The following TRIM14 variants were observed in gnomAD, a reference collection of about 807,000 sequenced individuals.
TRIM14 encodes tripartite motif-containing protein 14.
A neutral mutation model predicts 44.5 loss-of-function variants in TRIM14; 28 were observed. The ratio of observed to expected loss-of-function variants is 0.63; its 90% CI spans 0.47 to 0.86. The LOEUF (loss-of-function observed/expected upper bound fraction) is 0.86, where lower values mean the gene tolerates loss of function less well. Ranked by LOEUF, TRIM14 falls within the 40% of genes least tolerant of loss-of-function variation. TRIM14 has a pLI of 0.00. For synonymous variants in TRIM14, 299 were observed against 269.2 expected (o/e 1.11, Z -1.08); for missense variants, 607 against 611.1 (o/e 0.99, Z 0.07).
the TRIM14 span, among the ~76,000 whole-genome samples, chr9:98,042,799 G>C: frequency 6.6e-6 from 1 of 151,548 alleles, no homozygotes; most frequent in Non-Finnish European, 1.5e-5. Flanking sequence ...GAACCTGGGA[G>C]ATGGAGGTTG....
chr9:98,064,508 G>A (rs761398281), downstream of TRIM14, among the ~76,000 whole-genome samples: 7 of 151,974 alleles, frequency 4.6e-5, no homozygotes, highest in Admixed American at 6.6e-5. Context: ...CGCCTGCCTC[G>A]GCCTCCCAAA....
rs980433804 is a variant in TRIM14, at chr9:98,088,574, T to C, written c.794-569A>G. On this transcript the variant is annotated intron_variant, in intron 5 of 5. Transcript: ENST00000341469. ...TCACACCATACATGACGTTAGGTAA[T>C]CTGCTTTTTAAAATTGATTGATCTA... Among the ~76,000 whole-genome samples, 27 of 152,222 alleles carry C rather than the reference T, an allele frequency of 1.8e-4. 1 individual carries two copies. The highest frequency in any genetic ancestry group is 6.3e-4 in the African/African-American group (26 of 41,464).
At chr9:98,056,704 C>T in the TRIM14 span, 24 of 1,459,964 alleles carry the variant, frequency 1.6e-5, no homozygotes, top group South Asian at 2.9e-4. Context: ...CGTGGCGGGG[C>T]TGGCGTGTGG....
intron 6 of TRIM14, chr9:98,077,018 G>T (rs779218846): frequency 6.2e-7 from 1 of 1,601,122 alleles, no homozygotes. Flanking sequence ...GCCAAAAAAG[G>T]TAAGTGTCTA....
At chr9:98,111,224 T>C (rs1206624847) in intron 1 of TRIM14, among the ~76,000 whole-genome samples, 2 of 151,988 alleles carry the variant, frequency 1.3e-5, no homozygotes, top group Non-Finnish European at 2.9e-5. Context: ...GGTGAATGGA[T>C]AGGAAAGTGG....
At chr9:98,069,951 C>G (rs1290151695) in intron 6 of TRIM14, among the ~76,000 whole-genome samples, 1 of 152,164 alleles carries the variant, frequency 6.6e-6, no homozygotes, top group African/African-American at 2.4e-5. Context: ...TTGTCAATGT[C>G]ATTCACCCAG....
At chr9:98,082,915 G>A (rs757798300), downstream of TRIM14, 20 of 1,614,050 alleles carry the variant, frequency 1.2e-5, no homozygotes, top group African/African-American at 1.2e-4. Flanking sequence ...CATGCTCACC[G>A]TGAAGGTGGG....
the TRIM14 span, chr9:98,060,998 G>A: frequency 3.1e-6 from 5 of 1,613,330 alleles, no homozygotes; most frequent in Non-Finnish European, 4.2e-6. Flanking sequence ...CATGGATGAG[G>A]TGAGTCCTCT....
At position 98,084,984 on chromosome 9, in the gene TRIM14, T is replaced by C. The variant is rs1045280718; in HGVS notation, c.*2486A>G. The C allele has an allele frequency of 1.3e-5, 2 of 152,210 alleles. No individual in the cohort carries two copies. The highest frequency in any genetic ancestry group is 2.4e-5 in the African/African-American group (1 of 41,432). The allele number at this position is 152,210 out of a possible 1,614,324, so 9.4% of individuals were successfully genotyped here. On this transcript the variant is annotated 3_prime_UTR_variant, in exon 6 of 6. Transcript: ENST00000341469. ...ACTAGCCCTGGTCACACAATTGATA[T>C]GGACTGAAACTGCCGCTTTCTGGCT... is the stretch of plus-strand genomic sequence containing the variant.
At chr9:98,045,154 G>T in the TRIM14 span, among the ~76,000 whole-genome samples, 1 of 151,982 alleles carries the variant, frequency 6.6e-6, no homozygotes, top group East Asian at 1.9e-4. Context: ...CTAGAAGTAG[G>T]ATCCTTAAAC....
intron 2 of TRIM14, among the ~76,000 whole-genome samples, chr9:98,109,195 G>A (rs1374379089): frequency 6.6e-6 from 1 of 151,868 alleles, no homozygotes; most frequent in East Asian, 1.9e-4. Context: ...GCCCCAGGAG[G>A]GCCTCCCACC....
chr9:98,109,707 C>T (rs921530145), intron 2 of TRIM14, among the ~76,000 whole-genome samples, 182 bp downstream of exon 2: 2 of 152,150 alleles, frequency 1.3e-5, no homozygotes, highest in Non-Finnish European at 2.9e-5. Context: ...GGTCTTGCAC[C>T]TAATTTTGTC....
downstream of TRIM14, chr9:98,083,142 T>C: frequency 7.7e-7 from 1 of 1,304,358 alleles, no homozygotes; most frequent in Admixed American, 2.0e-5. Flanking sequence ...AATGGCGGTC[T>C]CCAGGGACCT....
At chr9:98,053,289 A>G in the TRIM14 span, among the ~76,000 whole-genome samples, 1 of 152,226 alleles carries the variant, frequency 6.6e-6, no homozygotes, top group Non-Finnish European at 1.5e-5. Context: ...ATGAACCCCA[A>G]AATTCCTGTC....
chr9:98,047,016 C>T, the TRIM14 span, among the ~76,000 whole-genome samples: 8 of 152,136 alleles, frequency 5.3e-5, no homozygotes, highest in African/African-American at 1.9e-4. Flanking sequence ...AGTATCACTG[C>T]AATGGGTGGG....
At chr9:98,071,829 C>T (rs141467892) in intron 6 of TRIM14, among the ~76,000 whole-genome samples, 5 of 152,338 alleles carry the variant, frequency 3.3e-5, no homozygotes, top group South Asian at 4.1e-4. Flanking sequence ...CTTCCGTCCA[C>T]GTTTCCTGGA....
the TRIM14 span, among the ~76,000 whole-genome samples, chr9:98,062,597 C>T: frequency 6.6e-6 from 1 of 152,060 alleles, no homozygotes; most frequent in African/African-American, 2.4e-5. Flanking sequence ...GTTTTATTGC[C>T]TGCTGGTACT....
chr9:98,085,405 C>T lies in TRIM14; in HGVS notation c.*2065G>A, dbSNP rs987711232. 1 of 152,202 alleles carries T rather than the reference C, an allele frequency of 6.6e-6. No individual in the cohort carries two copies. Among genetic ancestry groups the T allele is most frequent in the Non-Finnish European group, 1.5e-5 (1 of 68,044 alleles). 9.4% of individuals were successfully genotyped at this position (152,202 alleles called of 1,614,324 possible). On this transcript the variant is annotated 3_prime_UTR_variant, in exon 6 of 6. Coordinates refer to ENST00000341469, the MANE Select transcript of TRIM14 (RefSeq NM_014788.4). ...TGTGTAGAATTGGGAAAACTTTCTA[C>T]CCTCTAGGGCTGATGAAAGGATCAG...
Position 98,078,184 on chromosome 9 carries a change from A to C in TRIM14, c.*29-8497T>G, listed in dbSNP as rs779077671. The C allele has an allele frequency of 2.0e-5, 33 of 1,614,010 alleles. No homozygotes were observed. The Admixed American group carries it at 2.8e-4, about 14-fold the overall frequency. On this transcript the variant is annotated intron_variant, in intron 6 of 6. Transcript: ENST00000375098. ...AAAGTGCTGATGGTGTTGGTGCTGG[A>C]TTACTCAGGTCGCCCAATGGTGATC... is the stretch of plus-strand genomic sequence containing the variant.
Sources: gnomAD v4.1 joint callset for allele counts (sites outside exome capture counted in the v4.1 genomes callset) on GRCh38, gnomAD v4.1.1 for gene constraint, MANE v1.5 for transcripts, NCBI Gene and HGNC (gene_info 2026-07-23, HGNC 2026-07-21) for gene names.